CDKL5: variants seen among roughly 807,000 people sequenced by gnomAD.
CDKL5 encodes cyclin dependent kinase like 5.
Under a neutral mutation model 61.7 loss-of-function variants are expected in CDKL5, and 8 were observed. The observed-to-expected ratio is 0.13, with a 90% confidence interval of 0.08 to 0.23. CDKL5 has a LOEUF of 0.23. Ranked by LOEUF, CDKL5 falls within the 10% of genes least tolerant of loss-of-function variation. The pLI, the probability that CDKL5 is intolerant of heterozygous loss-of-function variation, is 1.00. For missense variants in CDKL5, 440 were observed against 734.5 expected (o/e 0.60, Z 4.63); for synonymous variants, 275 against 272.3 (o/e 1.01, Z -0.10).
chrX:18,477,262 T>C (rs1192142395), intron 1 of CDKL5, among the ~76,000 whole-genome samples: 1 of 109,722 alleles, frequency 9.1e-6, no homozygotes, highest in Non-Finnish European at 1.9e-5. Context: ...AGATGGTGTT[T>C]TGCCATGTTG....
chrX:18,518,392 T>TTTTTTTTTTTTTTTTTTTG, intron 3 of CDKL5, among the ~76,000 whole-genome samples: 1 of 50,724 alleles, frequency 2.0e-5, no homozygotes, highest in Non-Finnish European at 3.5e-5. Flanking sequence ...TTTCTTATTT[T>TTTTTTTTTTTTTTTTTTTG]TTTTTTTTTT....
chrX:18,489,046 A>T (rs1868803977), intron 1 of CDKL5, among the ~76,000 whole-genome samples: 1 of 111,517 alleles, frequency 9.0e-6, no homozygotes, highest in South Asian at 3.7e-4. Flanking sequence ...AAAAATCTAC[A>T]TTCTATAGAT....
intron 10 of CDKL5, among the ~76,000 whole-genome samples, chrX:18,597,172 A>G (rs184253114): frequency 3.4e-4 from 38 of 110,344 alleles, no homozygotes; most frequent in African/African-American, 1.3e-3. Flanking sequence ...AAAGATTAGT[A>G]TTGCCTTATT....
intron 1 of CDKL5, among the ~76,000 whole-genome samples, chrX:18,484,665 T>A: frequency 9.0e-6 from 1 of 111,660 alleles, no homozygotes; most frequent in Non-Finnish European, 1.9e-5. Context: ...GAATGGTTTA[T>A]CCCAAGCCCA....
At chrX:18,438,463 A>G (rs748254796) in intron 1 of CDKL5, among the ~76,000 whole-genome samples, 8 of 110,402 alleles carry the variant, frequency 7.2e-5, no homozygotes, top group Non-Finnish European at 1.5e-4. Flanking sequence ...TGTCAGGTGC[A>G]GGTAAAGGGT....
intron 3 of CDKL5, among the ~76,000 whole-genome samples, chrX:18,522,749 AT>A (rs1569201553): frequency 9.3e-6 from 1 of 107,939 alleles, no homozygotes; most frequent in East Asian, 2.9e-4. Flanking sequence ...TTTTTAAGAA[AT>A]TTTTTTAAGA....
intron 1 of CDKL5, among the ~76,000 whole-genome samples, chrX:18,480,115 A>G (rs1921492030): frequency 9.0e-6 from 1 of 111,540 alleles, no homozygotes; most frequent in African/African-American, 3.3e-5. Flanking sequence ...TTTTAATCTA[A>G]TGTCTTTTTT....
chrX:18,594,123 T>C (rs185116808), intron 9 of CDKL5, among the ~76,000 whole-genome samples: 15 of 112,481 alleles, frequency 1.3e-4, no homozygotes, highest in Admixed American at 1.3e-3. Flanking sequence ...GAAATTTTAC[T>C]GTATAATTAG....
chrX:18,452,828 T>TG, intron 1 of CDKL5, among the ~76,000 whole-genome samples: 1 of 77,092 alleles, frequency 1.3e-5, no homozygotes, highest in Admixed American at 1.4e-4. Flanking sequence ...AGTTTTTTTT[T>TG]TTTTTTTTTT....
At chrX:18,456,979 G>A (rs936387847) in intron 1 of CDKL5, among the ~76,000 whole-genome samples, 12 of 109,829 alleles carry the variant, frequency 1.1e-4, no homozygotes, top group Non-Finnish European at 1.7e-4. Flanking sequence ...AGCATTTATC[G>A]TTTCTTTGCA....
intron 4 of CDKL5, among the ~76,000 whole-genome samples, chrX:18,567,431 G>A (rs1483685155): frequency 8.9e-6 from 1 of 112,000 alleles, no homozygotes; most frequent in East Asian, 2.8e-4. Flanking sequence ...AAAAGTCTTA[G>A]TGAAGATAAC....
At chrX:18,596,029 C>T (rs944500515) in intron 10 of CDKL5, among the ~76,000 whole-genome samples, 1 of 111,461 alleles carries the variant, frequency 9.0e-6, no homozygotes, top group African/African-American at 3.3e-5. Context: ...AGTAGACAGT[C>T]GGCTCCTTGA....
At chrX:18,520,106 A>G (rs1484918960) in intron 3 of CDKL5, among the ~76,000 whole-genome samples, 2 of 112,233 alleles carry the variant, frequency 1.8e-5, no homozygotes, top group Non-Finnish European at 3.8e-5. Context: ...TAAAAGTCAC[A>G]TAACATGAAA....
chrX:18,570,897 C>G (rs1202960592), intron 4 of CDKL5, among the ~76,000 whole-genome samples: 1 of 111,511 alleles, frequency 9.0e-6, no homozygotes, highest in Non-Finnish European at 1.9e-5. Context: ...GTTGTTTTTA[C>G]TTAACATCCT....
intron 3 of CDKL5, among the ~76,000 whole-genome samples, chrX:18,527,002 C>T (rs778225682): frequency 2.9e-4 from 32 of 111,144 alleles, no homozygotes; most frequent in Non-Finnish European, 5.1e-4. Flanking sequence ...AGGCTGGTCT[C>T]GAACTCCCGA....
At chrX:18,590,079 C>G (rs12399659) in intron 9 of CDKL5, among the ~76,000 whole-genome samples, 1 of 111,477 alleles carries the variant, frequency 9.0e-6, no homozygotes, top group East Asian at 2.8e-4. Context: ...TTCTCCCATT[C>G]TGTAGGTTGC....
intron 1 of CDKL5, among the ~76,000 whole-genome samples, chrX:18,489,822 G>A (rs1050118482): frequency 3.6e-5 from 4 of 110,123 alleles, no homozygotes; most frequent in Non-Finnish European, 5.7e-5. Flanking sequence ...AGGCTGAGGC[G>A]GGAGGATCAC....
intron 3 of CDKL5, among the ~76,000 whole-genome samples, chrX:18,514,042 T>C (rs1922920501): frequency 9.0e-6 from 1 of 111,479 alleles, no homozygotes; most frequent in Non-Finnish European, 1.9e-5. Flanking sequence ...GGGGTGTATA[T>C]ATAATTAATT....
At chrX:18,496,060 A>G (rs193021418) in intron 1 of CDKL5, among the ~76,000 whole-genome samples, 2 of 112,451 alleles carry the variant, frequency 1.8e-5, no homozygotes, top group African/African-American at 3.2e-5. Flanking sequence ...ATGAATAACC[A>G]TTGATGATTG....
Sources: allele counts gnomAD v4.1 joint callset (sites outside exome capture counted in the v4.1 genomes callset), GRCh38; gene constraint gnomAD v4.1.1; transcripts MANE v1.5; gene names NCBI Gene and HGNC (gene_info 2026-07-23, HGNC 2026-07-21).